Variants in MYO5B observed in about 807,000 individuals in gnomAD.
The protein encoded by MYO5B is unconventional myosin-Vb.
Under a neutral mutation model 229.3 loss-of-function variants are expected in MYO5B, and 143 were observed. The observed-to-expected ratio is 0.62, with a 90% CI of 0.54 to 0.72. The LOEUF is 0.72. Ranked by LOEUF, MYO5B falls within the 30% of genes least tolerant of loss-of-function variation. MYO5B has a pLI of 0.00. For synonymous variants in MYO5B, 918 were observed against 885.2 expected, an observed-to-expected ratio of 1.04 and a Z score of -0.66; for missense variants, 2,321 against 2,331.0, an observed-to-expected ratio of 1.00 and a Z score of 0.09.
At chr18:50,081,625 T>C (rs886577233) in intron 1 of MYO5B, among the ~76,000 whole-genome samples, 5 of 152,242 alleles carry the variant, frequency 3.3e-5, no homozygotes, top group Non-Finnish European at 7.3e-5. Context: ...GTTTTGGTCA[T>C]AGTAAATAAA....
chr18:50,094,797 A>C (rs2031518197), intron 1 of MYO5B, among the ~76,000 whole-genome samples: 1 of 152,088 alleles, frequency 6.6e-6, no homozygotes, highest in African/African-American at 2.4e-5. Context: ...TGAAACCAGG[A>C]TCTATTGCCT....
At chr18:50,030,666 AGCAAGGGT>A (rs1319198462) in intron 4 of MYO5B, among the ~76,000 whole-genome samples, 3 of 151,874 alleles carry the variant, frequency 2.0e-5, no homozygotes, top group Non-Finnish European at 4.4e-5. Context: ...CTCCCACTCT[AGCAAGGGT>A]GCATTTCATT....
At chr18:50,147,205 C>T (rs922873727) in intron 1 of MYO5B, among the ~76,000 whole-genome samples, 2 of 152,190 alleles carry the variant, frequency 1.3e-5, no homozygotes, top group African/African-American at 4.8e-5. Context: ...CTTTCAGAGC[C>T]TTCATCTTCC....
At chr18:50,079,359 T>G (rs2031160044) in intron 1 of MYO5B, among the ~76,000 whole-genome samples, 1 of 152,210 alleles carries the variant, frequency 6.6e-6, no homozygotes, top group Non-Finnish European at 1.5e-5. Context: ...TAACTTGTGG[T>G]ATCTCTTCCT....
At chr18:50,001,545 G>T in intron 4 of MYO5B, 134 bp from the exon 5 acceptor site, 1 of 1,145,736 alleles carries the variant, frequency 8.7e-7, no homozygotes, top group Non-Finnish European at 1.3e-6. Flanking sequence ...CAGAGGAACA[G>T]TGTAAAAATA....
intron 36 of MYO5B, 95 bp downstream of exon 36, chr18:49,839,049 A>G: frequency 2.0e-6 from 3 of 1,496,248 alleles, no homozygotes; most frequent in Middle Eastern, 2.4e-4. Flanking sequence ...CATGGCTAAG[A>G]TATCTGGTTC....
In MYO5B at chr18:50,079,291, C is replaced by CTA. The variant is rs553961267; in HGVS notation, c.28-23915_28-23914dup. Among the ~76,000 whole-genome samples, 334 of 152,360 alleles carry CTA rather than the reference C, an allele frequency of 2.2e-3. 1 individual carries two copies. The highest frequency in any genetic ancestry group is 4.1e-3 in the Non-Finnish European group (277 of 68,036). ...CTTTACACCCTCACCACATGTGTGT[C>CTA]TATATTGTCTCCCCCAGAATCTTTC... On this transcript the variant is annotated intron_variant, in intron 1 of 39. Coordinates refer to ENST00000285039, the MANE Select transcript of MYO5B (RefSeq NM_001080467.3).
intron 4 of MYO5B, among the ~76,000 whole-genome samples, chr18:50,005,704 A>T (rs1022503711): frequency 6.6e-6 from 1 of 152,220 alleles, no homozygotes; most frequent in African/African-American, 2.4e-5. Flanking sequence ...GGCATGAGCC[A>T]CTGCCTGGCC....
intron 1 of MYO5B, among the ~76,000 whole-genome samples, chr18:50,181,191 A>G (rs955221853): frequency 2.6e-5 from 4 of 152,352 alleles, no homozygotes; most frequent in African/African-American, 9.6e-5. Flanking sequence ...TTCATACACT[A>G]AGTTAATTGT....
At chr18:50,037,212 C>G (rs535274914) in intron 3 of MYO5B, among the ~76,000 whole-genome samples, 10 of 149,704 alleles carry the variant, frequency 6.7e-5, no homozygotes, top group Admixed American at 1.3e-4. Context: ...CATACACACA[C>G]ACAAACACAC....
intron 17 of MYO5B, among the ~76,000 whole-genome samples, chr18:49,915,588 T>C (rs1013515965): frequency 8.5e-5 from 13 of 152,234 alleles, no homozygotes; most frequent in African/African-American, 3.1e-4. Flanking sequence ...GTCCCTCTAG[T>C]AGTGGAAAGA....
chr18:49,963,569 G>A (rs1303058092), intron 10 of MYO5B, among the ~76,000 whole-genome samples: 1 of 151,890 alleles, frequency 6.6e-6, no homozygotes, highest in Non-Finnish European at 1.5e-5. Context: ...TGGGACTGCA[G>A]GCACACGCCA....
At position 50,046,129 on chromosome 18, in the gene MYO5B, A is replaced by AGGT. The variant is rs764570646; in HGVS notation, c.139-5816_139-5815insACC. On this transcript the variant is annotated intron_variant, in intron 2 of 39. Transcript: ENST00000285039. Reference sequence around the variant, plus strand: ...ATATGCTAGTAAAAACAGGGTTACCAGCTGGCAAGAAGTTGGTGTTGACCC... The same window carrying AGGT: ...ATATGCTAGTAAAAACAGGGTTACCAGGTGCTGGCAAGAAGTTGGTGTTGACCC... Among the ~76,000 whole-genome samples, 7 of 152,250 alleles carry AGGT rather than the reference A, an allele frequency of 4.6e-5. No homozygotes were observed. In the East Asian group the frequency reaches 1.3e-3, roughly 29 times the overall value.
At chr18:49,920,802 CTCTGACTTAATAGG>C (rs1342748550) in intron 17 of MYO5B, among the ~76,000 whole-genome samples, 1 of 152,154 alleles carries the variant, frequency 6.6e-6, no homozygotes, top group African/African-American at 2.4e-5. Flanking sequence ...CAGTCTCAGG[CTCTGACTTAATAGG>C]TCTGAGGGGG....
Position 49,906,516 on chromosome 18 carries a change from T to C in MYO5B, c.2317A>G (p.Lys773Glu). The C allele has an allele frequency of 6.2e-7, 1 of 1,614,188 alleles. No individual in the cohort carries two copies. The highest frequency in any genetic ancestry group is 8.5e-7 in the Non-Finnish European group (1 of 1,180,036). ...TTCTGCAGCCATCCCCGGACAGTTT[T>C]CTGGATCATGATGGTGGCTGTCCGG... ...KFRTATIMIQ[K>E]TVRGWLQKVK... Residue 773 changes from lysine to glutamate, a missense_variant, in exon 19 of 40, where the codon AAA (lysine) becomes GAA (glutamate). Lys to Glu is a moderately conservative substitution (Grantham distance 56). Transcript: ENST00000285039.
In MYO5B at chr18:49,864,173, C is replaced by T. The variant is rs774939708; in HGVS notation, c.3811G>A (p.Ala1271Thr). Residue 1271 changes from alanine (A) to threonine (T), a missense_variant, in exon 28 of 40, where the codon GCC becomes ACC. Around this residue, in one of 2 missense-constraint regions of MYO5B, gnomAD observed 2,113 missense variants for 2,044.7 expected, o/e 1.03. Transcript: ENST00000285039. ...CTGCCGGCGAGTCGCCGCTGGTCGG[C>T]GCTCACGATCTGGGTCCTGAGGATG... ...VLILRTQIVS[A>T]DQRRLAGRNA... 3 of 1,611,472 alleles carry T rather than the reference C, an allele frequency of 1.9e-6. No homozygotes were observed. Among genetic ancestry groups the T allele is most frequent in the Admixed American group, 3.3e-5 (2 of 60,004 alleles).
At chr18:49,896,551 T>G (rs146199670) in intron 21 of MYO5B, among the ~76,000 whole-genome samples, 212 of 152,242 alleles carry the variant, frequency 1.4e-3, no homozygotes, top group African/African-American at 5.1e-3. Flanking sequence ...GACATGAGGT[T>G]TGGCCCAGCT....
intron 10 of MYO5B, among the ~76,000 whole-genome samples, chr18:49,964,603 T>C (rs1447801925): frequency 1.3e-5 from 2 of 152,212 alleles, no homozygotes; most frequent in Non-Finnish European, 2.9e-5. Flanking sequence ...ATGTTAGCTT[T>C]TTAAAGTCTT....
At chr18:50,098,478 C>A (rs2031595264) in intron 1 of MYO5B, among the ~76,000 whole-genome samples, 1 of 152,090 alleles carries the variant, frequency 6.6e-6, no homozygotes, top group Non-Finnish European at 1.5e-5. Flanking sequence ...TGTGAGGAAG[C>A]AAATACACAA....
Sources: allele counts gnomAD v4.1 joint callset (sites outside exome capture counted in the v4.1 genomes callset), GRCh38; gene constraint gnomAD v4.1.1; regional missense constraint gnomAD v4.1.1; transcripts MANE v1.5; gene names NCBI Gene and HGNC (gene_info 2026-07-23, HGNC 2026-07-21).